The following DPP10 variants were observed in gnomAD, a reference collection of about 807,000 sequenced individuals.
DPP10 encodes inactive dipeptidyl peptidase 10.
A neutral mutation model predicts 120.9 loss-of-function variants in DPP10; 33 were observed. The observed-to-expected ratio is 0.27, with a 90% CI of 0.21 to 0.37. DPP10 has a LOEUF of 0.37. Ranked by LOEUF, DPP10 falls within the 10% of genes least tolerant of loss-of-function variation. DPP10 has a pLI of 1.00. For missense variants in DPP10, 816 were observed against 942.8 expected (o/e 0.87, Z 1.76); for synonymous variants, 337 against 326.1 (o/e 1.03, Z -0.36).
At chr2:114,965,678 G>A (rs1190221169) in intron 1 of DPP10, among the ~76,000 whole-genome samples, 1 of 151,908 alleles carries the variant, frequency 6.6e-6, no homozygotes, top group Admixed American at 6.6e-5. Flanking sequence ...ATGTTTCCAC[G>A]TCAGAAAGAT....
At chr2:114,456,827 G>C (rs1027759508) in intron 1 of DPP10, among the ~76,000 whole-genome samples, 1 of 152,122 alleles carries the variant, frequency 6.6e-6, no homozygotes, top group Non-Finnish European at 1.5e-5. Flanking sequence ...ATAAGCCAAG[G>C]GCAGATATGA....
intron 24 of DPP10, 73 bp from the exon 25 acceptor site, chr2:115,840,677 T>C: frequency 3.4e-6 from 5 of 1,464,118 alleles, no homozygotes; most frequent in Non-Finnish European, 4.7e-6. Context: ...CTGAATCTCT[T>C]TGAAAAATAA....
At chr2:115,380,683 G>T (rs1260124001) in intron 3 of DPP10, among the ~76,000 whole-genome samples, 1 of 152,042 alleles carries the variant, frequency 6.6e-6, no homozygotes, top group Non-Finnish European at 1.5e-5. Flanking sequence ...TTTTGCAGTG[G>T]CTGGTACCAG....
chr2:115,711,915 G>GTTTTTTT (rs1491280011), intron 7 of DPP10, among the ~76,000 whole-genome samples: 6 of 96,984 alleles, frequency 6.2e-5, no homozygotes, highest in African/African-American at 2.1e-4. Flanking sequence ...AAAATGGTCT[G>GTTTTTTT]GTTTTTTTTT....
chr2:114,832,912 T>G (rs1687268296), intron 1 of DPP10, among the ~76,000 whole-genome samples: 1 of 152,086 alleles, frequency 6.6e-6, no homozygotes, highest in Non-Finnish European at 1.5e-5. Flanking sequence ...TAAGAATAAT[T>G]GCCATTTCAA....
In DPP10 at chr2:114,523,758, T is replaced by TA. The variant is rs1335311771; in HGVS notation, c.60+80921dup. On this transcript the variant is annotated intron_variant, in intron 1 of 25. Coordinates refer to ENST00000410059, the MANE Select transcript of DPP10 (RefSeq NM_020868.6). ...AACAATCTCAGAGGGTCAGCCTCTT[T>TA]AGCTATGAAGTGTTGCTTTATGCCC... Among the ~76,000 whole-genome samples the TA allele has an allele frequency of 6.6e-5, 10 of 152,252 alleles. No individual in the cohort carries two copies. In the East Asian group the frequency reaches 1.9e-3, roughly 30 times the overall value.
At chr2:114,888,456 T>C (rs1163411629) in intron 1 of DPP10, among the ~76,000 whole-genome samples, 4 of 152,154 alleles carry the variant, frequency 2.6e-5, no homozygotes, top group Admixed American at 2.6e-4. Flanking sequence ...TGTATAATGA[T>C]CAAGATTAAA....
chr2:115,492,836 A>G (rs577080824), intron 3 of DPP10, among the ~76,000 whole-genome samples: 31 of 152,270 alleles, frequency 2.0e-4, no homozygotes, highest in African/African-American at 7.0e-4. Flanking sequence ...ATCGAAAGGA[A>G]TTACATGATT....
chr2:115,083,190 T>A (rs972481027), intron 1 of DPP10, among the ~76,000 whole-genome samples: 1 of 152,178 alleles, frequency 6.6e-6, no homozygotes, highest in Non-Finnish European at 1.5e-5. Context: ...GTTTCCGTCT[T>A]TTTCTTATGT....
chr2:114,663,964 G>A, intron 1 of DPP10, among the ~76,000 whole-genome samples: 1 of 151,948 alleles, frequency 6.6e-6, no homozygotes, highest in East Asian at 1.9e-4. Context: ...GGTAACTAGA[G>A]AGACAATCTG....
At chr2:114,465,316 T>C (rs1182112966) in intron 1 of DPP10, among the ~76,000 whole-genome samples, 2 of 152,190 alleles carry the variant, frequency 1.3e-5, no homozygotes, top group African/African-American at 4.8e-5. Flanking sequence ...TACTTGCTTT[T>C]CCCCCTTGTG....
At chr2:114,910,054 A>G (rs568684676) in intron 1 of DPP10, among the ~76,000 whole-genome samples, 6 of 151,718 alleles carry the variant, frequency 4.0e-5, no homozygotes, top group Non-Finnish European at 5.9e-5. Flanking sequence ...ATATAGCTGT[A>G]GATAGAATTA....
intron 1 of DPP10, among the ~76,000 whole-genome samples, chr2:115,183,470 C>T (rs970016238): frequency 6.6e-6 from 1 of 152,116 alleles, no homozygotes; most frequent in African/African-American, 2.4e-5. Flanking sequence ...CTCCATATAC[C>T]TACACATTTC....
At chr2:115,091,671 A>G (rs1224474677) in intron 1 of DPP10, among the ~76,000 whole-genome samples, 1 of 152,134 alleles carries the variant, frequency 6.6e-6, no homozygotes, top group Non-Finnish European at 1.5e-5. Flanking sequence ...AGAATGATGT[A>G]CTGAAGAGGA....
chr2:115,135,995 G>C (rs138144372), intron 1 of DPP10, among the ~76,000 whole-genome samples: 54 of 152,148 alleles, frequency 3.5e-4, no homozygotes, highest in African/African-American at 1.3e-3. Context: ...TCTTCTGCCA[G>C]GAGAGTTTTT....
intron 1 of DPP10, chr2:114,461,484 A>T: frequency 1.4e-6 from 1 of 717,840 alleles, no homozygotes; most frequent in Non-Finnish European, 1.7e-6. Flanking sequence ...GGATTTGATT[A>T]CCTGTCTCCC....
At chr2:114,747,959 G>GC (rs1299728326) in intron 1 of DPP10, among the ~76,000 whole-genome samples, 1 of 152,070 alleles carries the variant, frequency 6.6e-6, no homozygotes, top group African/African-American at 2.4e-5. Flanking sequence ...TTGGTTACTG[G>GC]CCCCCCATGA....
At chr2:114,779,412 CA>C (rs1682069557) in intron 1 of DPP10, among the ~76,000 whole-genome samples, 2 of 152,090 alleles carry the variant, frequency 1.3e-5, no homozygotes, top group African/African-American at 4.8e-5. Flanking sequence ...GAGAGCTACC[CA>C]AGGTCCTAAA....
At chr2:114,971,424 C>T (rs1197415150) in intron 1 of DPP10, among the ~76,000 whole-genome samples, 1 of 152,086 alleles carries the variant, frequency 6.6e-6, no homozygotes, top group Non-Finnish European at 1.5e-5. Flanking sequence ...ACCACTTGCT[C>T]ACTTATATTT....
Sources: gnomAD v4.1 joint callset for allele counts (sites outside exome capture counted in the v4.1 genomes callset) on GRCh38, gnomAD v4.1.1 for gene constraint, MANE v1.5 for transcripts, NCBI Gene and HGNC (gene_info 2026-07-23, HGNC 2026-07-21) for gene names.